MID1: variants seen among roughly 807,000 people sequenced by gnomAD.
MID1 encodes midline 1.
A neutral mutation model predicts 40.4 loss-of-function variants in MID1; 7 were observed. That is an observed-to-expected ratio of 0.17 (90% CI 0.10 to 0.33). The LOEUF is 0.33. Ranked by LOEUF, MID1 falls within the 10% of genes least tolerant of loss-of-function variation. The pLI is 1.00. For missense variants in MID1, 367 were observed against 558.5 expected (o/e 0.66, Z 3.46); for synonymous variants, 229 against 221.2 (o/e 1.04, Z -0.31).
chrX:10,689,189 C>A (rs930377062), intron 1 of MID1, among the ~76,000 whole-genome samples: 9 of 111,506 alleles, frequency 8.1e-5, no homozygotes, highest in Non-Finnish European at 1.1e-4. Context: ...AAAGAACAAC[C>A]TGAGACTGGG....
chrX:10,639,683 G>C (rs1047558445), intron 1 of MID1, among the ~76,000 whole-genome samples: 2 of 111,113 alleles, frequency 1.8e-5, no homozygotes, highest in Non-Finnish European at 3.8e-5. Flanking sequence ...GATACTCCTT[G>C]AGAAGAGCAA....
At chrX:10,552,153 C>T (rs770993270) in intron 2 of MID1, among the ~76,000 whole-genome samples, 1 of 84,923 alleles carries the variant, frequency 1.2e-5, no homozygotes, top group African/African-American at 4.9e-5. Context: ...AAACAGCATG[C>T]AATTATGAAG....
chrX:10,567,273 C>G lies in MID1; in HGVS notation c.275G>C (p.Ser92Thr). The G allele has an allele frequency of 7.5e-6, 9 of 1,203,553 alleles. No individual in the cohort carries two copies. The highest frequency in any genetic ancestry group is 9.0e-6 in the Non-Finnish European group (8 of 890,392). The change falls in exon 2 of 10, where the codon AGC (serine) becomes ACC (threonine). Residue 92 changes from serine (S) to threonine (T), a missense_variant. Transcript: ENST00000317552. ...IIDRFQKASV[S>T]GPNSPSETRR... is the part of the protein sequence containing the mutation. Reference sequence around the variant, plus strand: ...GGTCTCGCTGGGAGAGTTGGGCCCGCTCACTGATGCTTTCTGGAACCTGTC... The same window carrying G: ...GGTCTCGCTGGGAGAGTTGGGCCCGGTCACTGATGCTTTCTGGAACCTGTC...
chrX:10,501,539 G>A, intron 3 of MID1: 1 of 1,152,524 alleles, frequency 8.7e-7, no homozygotes, highest in African/African-American at 1.8e-5. Context: ...CTCTGCCAAT[G>A]ACTTTCTGAT....
intron 1 of MID1, among the ~76,000 whole-genome samples, chrX:10,730,883 A>G: frequency 9.0e-6 from 1 of 111,530 alleles, no homozygotes; most frequent in Non-Finnish European, 1.9e-5. Flanking sequence ...AAGATCAGAT[A>G]CTTTTGAGAA....
chrX:10,552,002 C>T (rs909185479), intron 2 of MID1, among the ~76,000 whole-genome samples: 29 of 110,046 alleles, frequency 2.6e-4, no homozygotes, highest in African/African-American at 9.3e-4. Context: ...GTTGCCCAGG[C>T]TGGTGTTGAA....
At chrX:10,736,835 A>C (rs982264004) in intron 1 of MID1, among the ~76,000 whole-genome samples, 2 of 112,078 alleles carry the variant, frequency 1.8e-5, no homozygotes, top group Non-Finnish European at 3.8e-5. Context: ...GAAATGCTCA[A>C]ATTCCTCATT....
chrX:10,716,430 A>ATC (rs2043303773), intron 1 of MID1, among the ~76,000 whole-genome samples: 1 of 112,122 alleles, frequency 8.9e-6, no homozygotes, highest in Non-Finnish European at 1.9e-5. Flanking sequence ...GATCAACTGG[A>ATC]AGAAAGGGTA....
At chrX:10,583,533 T>C (rs1372311900) in intron 1 of MID1, among the ~76,000 whole-genome samples, 2 of 112,320 alleles carry the variant, frequency 1.8e-5, no homozygotes, top group African/African-American at 3.2e-5. Context: ...TTCAAGGGCA[T>C]AGAAATCCAA....
chrX:10,809,202 G>A (rs983811587), intron 1 of MID1, among the ~76,000 whole-genome samples: 2 of 112,014 alleles, frequency 1.8e-5, no homozygotes, highest in Non-Finnish European at 3.8e-5. Flanking sequence ...GGCCATCAGA[G>A]AAATGCAAAT....
At chrX:10,688,257 A>T (rs1602517842) in intron 1 of MID1, among the ~76,000 whole-genome samples, 1 of 111,806 alleles carries the variant, frequency 8.9e-6, no homozygotes, top group East Asian at 2.8e-4. Context: ...GTTATAAAAT[A>T]TTTTTATTTC....
At chrX:10,560,432 T>C (rs1934289681) in intron 2 of MID1, among the ~76,000 whole-genome samples, 1 of 111,152 alleles carries the variant, frequency 9.0e-6, no homozygotes, top group South Asian at 3.8e-4. Flanking sequence ...AGTCAAATAG[T>C]TTCTATTTGC....
At chrX:10,473,799 A>G (rs1176832970) in intron 6 of MID1, among the ~76,000 whole-genome samples, 1 of 112,551 alleles carries the variant, frequency 8.9e-6, no homozygotes, top group African/African-American at 3.2e-5. Context: ...TAAACAGTCC[A>G]GGTTCTACCA....
At chrX:10,497,296 T>C (rs1011460250) in intron 3 of MID1, among the ~76,000 whole-genome samples, 1 of 112,251 alleles carries the variant, frequency 8.9e-6, no homozygotes, top group Admixed American at 9.4e-5. Context: ...CGAAGCTTCT[T>C]TGCTCGACCA....
At position 10,475,147 on chromosome X, in the gene MID1, A is replaced by C. The variant is rs375712573; in HGVS notation, c.1014-397T>G. On this transcript the variant is annotated intron_variant, in intron 5 of 9. Transcript: ENST00000317552. ...GTCTGGGAAACTGTTTGTTCCTTTC[A>C]GACGCAACCCTGATCCACTTCAAAG... The C allele has an allele frequency of 3.3e-5, 11 of 332,755 alleles. No individual in the cohort carries two copies. The East Asian group carries it at 6.7e-4, about 20-fold the overall frequency. 27.4% of individuals were successfully genotyped at this position (332,755 alleles called of 1,213,427 possible). A position where few individuals can be genotyped will look rare whatever the true frequency, so the allele number is the denominator to read the frequency against.
chrX:10,534,669 G>A (rs1233920087), intron 2 of MID1, among the ~76,000 whole-genome samples: 1 of 111,658 alleles, frequency 9.0e-6, no homozygotes, highest in Non-Finnish European at 1.9e-5. Context: ...GGAAAGGTTC[G>A]TAGCTTTCAC....
At chrX:10,565,960 C>G (rs1309048841) in intron 2 of MID1, among the ~76,000 whole-genome samples, 1 of 110,634 alleles carries the variant, frequency 9.0e-6, no homozygotes, top group Non-Finnish European at 1.9e-5. Context: ...CAGGCACCCA[C>G]CACCACACCC....
chrX:10,626,225 A>G (rs939059743), intron 1 of MID1, among the ~76,000 whole-genome samples: 30 of 110,827 alleles, frequency 2.7e-4, no homozygotes, highest in South Asian at 3.8e-4. Flanking sequence ...TCTTTTCAAC[A>G]GAACCTCAGT....
In MID1 at chrX:10,570,127, C is replaced by T. The variant is rs759893284; in HGVS notation, c.-56-2524G>A. On this transcript the variant is annotated intron_variant, in intron 1 of 9. Coordinates refer to ENST00000317552, the MANE Select transcript of MID1 (RefSeq NM_000381.4). ...ATAAACCAGCCCCAGAAAACACAGA[C>T]TCAGACAGTGAGCTCACTTCCTCCC... Among the ~76,000 whole-genome samples, 5 of 112,033 alleles carry T rather than the reference C, an allele frequency of 4.5e-5. No homozygotes were observed. In the East Asian group the frequency reaches 1.4e-3, roughly 32 times the overall value.
Sources: allele counts gnomAD v4.1 joint callset (sites outside exome capture counted in the v4.1 genomes callset), GRCh38; gene constraint gnomAD v4.1.1; transcripts MANE v1.5; gene names NCBI Gene and HGNC (gene_info 2026-07-23, HGNC 2026-07-21).